The following MAP3K1 variants were observed in gnomAD, a reference collection of about 807,000 sequenced individuals.
MAP3K1 encodes mitogen-activated protein kinase kinase kinase 1.
In MAP3K1, 36 loss-of-function variants were observed where a neutral mutation model predicts 144.2. The ratio of observed to expected loss-of-function variants is 0.25; its 90% CI spans 0.19 to 0.33. The LOEUF is 0.33. Among genes scored for constraint, MAP3K1 ranks in the 10% least tolerant of loss-of-function variants. The pLI is 1.00. For missense variants in MAP3K1, 1,650 were observed against 1,881.9 expected (o/e 0.88, Z 2.28); for synonymous variants, 718 against 688.7 (o/e 1.04, Z -0.67).
chr5:56,851,693 C>T (rs997529316), intron 1 of MAP3K1, among the ~76,000 whole-genome samples: 1 of 152,222 alleles, frequency 6.6e-6, no homozygotes. Context: ...AGAGCTGACT[C>T]AGGCGTACAA....
intron 1 of MAP3K1, among the ~76,000 whole-genome samples, chr5:56,827,770 A>G (rs746651397): frequency 9.2e-5 from 14 of 152,100 alleles, no homozygotes; most frequent in Non-Finnish European, 1.6e-4. Flanking sequence ...AGGCTGAGGC[A>G]GGAGAATCAC....
At chr5:56,853,595 A>T (rs1403518871) in intron 1 of MAP3K1, among the ~76,000 whole-genome samples, 1 of 152,176 alleles carries the variant, frequency 6.6e-6, no homozygotes, top group Non-Finnish European at 1.5e-5. Flanking sequence ...ACAGTTTGCA[A>T]ACTGCATTAA....
chr5:56,815,893 C>T lies in MAP3K1; in HGVS notation c.320C>T (p.Pro107Leu). 9 of 1,321,184 alleles carry T rather than the reference C, an allele frequency of 6.8e-6. No individual in the cohort carries two copies. The highest frequency in any genetic ancestry group is 2.9e-4 in the Middle Eastern group (1 of 3,502). 81.8% of individuals were successfully genotyped at this position (1,321,184 alleles called of 1,614,324 possible). Reference sequence around the variant, plus strand: ...GCGGGGAGTGGGACCGGCTTCCAGCCTGTGGCGGTGCCGCCGCCCCACGGA... The same window carrying T: ...GCGGGGAGTGGGACCGGCTTCCAGCTTGTGGCGGTGCCGCCGCCCCACGGA... Reference protein sequence around the residue: ...DAAGSGTGFQPVAVPPPHGAA... With the variant: ...DAAGSGTGFQLVAVPPPHGAA... The change falls in exon 1 of 20, where the codon CCT becomes CTT. Residue 107 changes from proline (P) to leucine (L), a missense_variant. Transcript: ENST00000399503.
Position 56,881,770 on chromosome 5 carries a change from T to C in MAP3K1, c.2570T>C (p.Met857Thr). ...TTCACCAGGATGCGTCGCCGTTTGA[T>C]GGCTATTGCAGATGAGGTGGAAATT... The part of the protein sequence containing the change: ...THFTRMRRRL[M>T]AIADEVEIAE... Residue 857 changes from methionine to threonine, a missense_variant, in exon 14 of 20, where the codon ATG becomes ACG. Met to Thr is a moderately conservative substitution (Grantham distance 81). Transcript: ENST00000399503. 6.2e-7 allele frequency: 1 copy of C among 1,614,162 alleles called. No individual in the cohort carries two copies. Among genetic ancestry groups the C allele is most frequent in the Non-Finnish European group, 8.5e-7 (1 of 1,180,022 alleles).
chr5:56,843,447 C>A (rs1746878227), intron 1 of MAP3K1, among the ~76,000 whole-genome samples: 1 of 152,220 alleles, frequency 6.6e-6, no homozygotes, highest in African/African-American at 2.4e-5. Context: ...AACCATTCCC[C>A]AGGCCCATTT....
chr5:56,827,591 C>CCGTGGCT (rs1348501301), intron 1 of MAP3K1, among the ~76,000 whole-genome samples: 1 of 152,066 alleles, frequency 6.6e-6, no homozygotes, highest in Non-Finnish European at 1.5e-5. Context: ...TTGCTGGGTG[C>CCGTGGCT]CGTGGCTCAC....
At chr5:56,875,008 A>G in intron 9 of MAP3K1, 24 bp from the exon 10 acceptor site, 1 of 1,613,532 alleles carries the variant, frequency 6.2e-7, no homozygotes, top group Non-Finnish European at 8.5e-7. Context: ...TTTACATTGA[A>G]TTCATCGTGT....
At chr5:56,876,664 C>T (rs1183385659) in intron 10 of MAP3K1, among the ~76,000 whole-genome samples, 3 of 152,114 alleles carry the variant, frequency 2.0e-5, no homozygotes, top group Admixed American at 6.5e-5. Flanking sequence ...TTTACTAGCA[C>T]GATGGCTTTA....
chr5:56,816,524 G>A (rs1046659846), intron 1 of MAP3K1, among the ~76,000 whole-genome samples: 2 of 152,170 alleles, frequency 1.3e-5, no homozygotes, highest in African/African-American at 2.4e-5. Flanking sequence ...AGAAGCCCGA[G>A]GTCGGGTGGG....
intron 3 of MAP3K1, among the ~76,000 whole-genome samples, chr5:56,860,857 AAAAAAAG>A (rs1432141730): frequency 3.0e-5 from 4 of 132,630 alleles, no homozygotes; most frequent in East Asian, 2.5e-4. Context: ...CCATCTCAAA[AAAAAAAG>A]AAAAAAAGAA....
chr5:56,838,575 T>C (rs1561170615), intron 1 of MAP3K1, among the ~76,000 whole-genome samples: 1 of 152,348 alleles, frequency 6.6e-6, no homozygotes, highest in Admixed American at 6.5e-5. Context: ...AAGTGATTAG[T>C]GGGCAGATGA....
chr5:56,865,984 A>T lies in MAP3K1; in HGVS notation c.1301+7A>T. 1 of 1,598,350 alleles carries T rather than the reference A, an allele frequency of 6.3e-7. No individual in the cohort carries two copies. Among genetic ancestry groups the T allele is most frequent in the Non-Finnish European group, 8.6e-7 (1 of 1,165,634 alleles). ...CGTCTAGTTCAGAAAACAGGTTAGTACTTTTTAAGGATTTCAAACATTAAT... is the reference window on the plus strand; with the variant it reads ...CGTCTAGTTCAGAAAACAGGTTAGTTCTTTTTAAGGATTTCAAACATTAAT... On this transcript the variant is annotated splice_region_variant and intron_variant, in intron 6 of 19. Transcript: ENST00000399503.
At chr5:56,832,843 A>G (rs1319980574) in intron 1 of MAP3K1, among the ~76,000 whole-genome samples, 1 of 152,212 alleles carries the variant, frequency 6.6e-6, no homozygotes, top group Middle Eastern at 3.2e-3. Context: ...AAATACAGAA[A>G]ACATTAGTGA....
At chr5:56,823,938 T>G (rs565356169) in intron 1 of MAP3K1, among the ~76,000 whole-genome samples, 1 of 152,258 alleles carries the variant, frequency 6.6e-6, no homozygotes, top group Admixed American at 6.5e-5. Context: ...TGAATAAATA[T>G]ACACATAAAG....
chr5:56,874,716 T>A (rs972662411), intron 9 of MAP3K1, among the ~76,000 whole-genome samples: 1 of 152,198 alleles, frequency 6.6e-6, no homozygotes, highest in East Asian at 1.9e-4. Context: ...CACAGTTTTT[T>A]GGCGTTTTGG....
chr5:56,866,508 A>G (rs955531361), intron 6 of MAP3K1, among the ~76,000 whole-genome samples: 4 of 152,288 alleles, frequency 2.6e-5, no homozygotes, highest in Middle Eastern at 3.4e-3. Flanking sequence ...TAAAAACTAC[A>G]GCATTCATGT....
At chr5:56,833,616 A>G (rs562762642) in intron 1 of MAP3K1, among the ~76,000 whole-genome samples, 2 of 152,202 alleles carry the variant, frequency 1.3e-5, no homozygotes, top group African/African-American at 4.8e-5. Context: ...TTACAACAAG[A>G]CACACTTGTT....
At chr5:56,820,016 C>CT (rs765972474) in intron 1 of MAP3K1, among the ~76,000 whole-genome samples, 47 of 152,230 alleles carry the variant, frequency 3.1e-4, no homozygotes, top group South Asian at 8.3e-4. Flanking sequence ...GTCAGATACT[C>CT]TTTTCAGTTT....
chr5:56,824,144 G>A (rs1395014641), intron 1 of MAP3K1, among the ~76,000 whole-genome samples: 2 of 152,190 alleles, frequency 1.3e-5, no homozygotes, highest in Non-Finnish European at 2.9e-5. Flanking sequence ...AGTACTCCAT[G>A]AGATTGCAGA....
Sources: gnomAD v4.1 joint callset for allele counts (sites outside exome capture counted in the v4.1 genomes callset) on GRCh38, gnomAD v4.1.1 for gene constraint, MANE v1.5 for transcripts, NCBI Gene and HGNC (gene_info 2026-07-23, HGNC 2026-07-21) for gene names.